CCDC146: variants seen among roughly 807,000 people sequenced by gnomAD.
CCDC146 encodes the protein coiled-coil domain containing 146, also known as coiled-coil domain-containing protein 146.
CCDC146 carries 92 observed loss-of-function variants against 119.3 expected under a neutral mutation model. That is an observed-to-expected ratio of 0.77 (90% CI 0.65 to 0.92). The LOEUF (loss-of-function observed/expected upper bound fraction) is 0.92, where lower values mean the gene tolerates loss of function less well. Ranked by LOEUF, CCDC146 falls within the 40% of genes least tolerant of loss-of-function variation. CCDC146 has a pLI of 0.00. For synonymous variants in CCDC146, 372 were observed against 371.8 expected (o/e 1.00, Z -0.01); for missense variants, 1,000 against 1,103.0 (o/e 0.91, Z 1.32).
At position 77,262,250 on chromosome 7, in the gene CCDC146, A is replaced by G. The variant is rs1447562192; in HGVS notation, c.1116A>G (p.Lys372=). 8 of 1,613,964 alleles carry G rather than the reference A, an allele frequency of 5.0e-6. No homozygotes were observed. Among genetic ancestry groups the G allele is most frequent in the South Asian group, 2.2e-5 (2 of 91,068 alleles). Residue 372 remains lysine (K), a synonymous_variant, in exon 9 of 19, where the codon AAA becomes AAG. Transcript: ENST00000285871. The stretch of plus-strand genomic sequence containing the variant: ...TAAGAAAGATGGAACTGCTCTTGAA[A>G]GTGTCCTGGGATGCACTTAGGCAAA... ...RNLRKMELLL[K]VSWDALRQTQ...
chr7:77,219,289 G>T (rs1206358825), intron 2 of CCDC146, among the ~76,000 whole-genome samples: 2 of 152,112 alleles, frequency 1.3e-5, no homozygotes, highest in Non-Finnish European at 2.9e-5. Context: ...CTTCTACTTT[G>T]CTTAGGTATC....
chr7:77,171,567 T>G (rs1214893786), intron 2 of CCDC146, among the ~76,000 whole-genome samples: 1 of 152,180 alleles, frequency 6.6e-6, no homozygotes, highest in African/African-American at 2.4e-5. Context: ...CCCTAAGCTG[T>G]CAGATCTGTA....
intron 1 of CCDC146, among the ~76,000 whole-genome samples, chr7:77,147,308 C>A (rs528790299): frequency 6.6e-6 from 1 of 152,166 alleles, no homozygotes; most frequent in Admixed American, 6.5e-5. Flanking sequence ...CTTAGCCATT[C>A]GTCTAATCTT....
rs199994394 is a variant in CCDC146 at position 77,260,142 on chromosome 7, C to T, written c.892C>T (p.Arg298Ter). 105 of 1,613,978 alleles carry T rather than the reference C, an allele frequency of 6.5e-5. No homozygotes were observed. The East Asian group carries it at 1.6e-3, about 25-fold the overall frequency. ...ENVIKEVEGK[R>*]ALLEIKEREH... ...TGTAATAAAGGAAGTTGAAGGCAAA[C>T]GAGCCTTACTTGAAATCAAAGAACG... The change falls in exon 8 of 19, where the codon CGA (arginine) becomes TGA (stop). Residue 298 changes from arginine to a stop codon, truncating the protein, a stop_gained. Transcript: ENST00000285871. LOFTEE classifies it high-confidence loss of function.
intron 1 of CCDC146, among the ~76,000 whole-genome samples, chr7:77,147,540 T>G (rs753132049): frequency 1.1e-4 from 16 of 152,224 alleles, no homozygotes; most frequent in Non-Finnish European, 2.2e-4. Context: ...TCTTTGTGGT[T>G]TTATCTACCT....
intron 17 of CCDC146, among the ~76,000 whole-genome samples, chr7:77,288,022 C>T (rs1793879448): frequency 6.6e-6 from 1 of 152,220 alleles, no homozygotes; most frequent in Non-Finnish European, 1.5e-5. Context: ...CCCAGACCAA[C>T]TGCACCATGG....
intron 6 of CCDC146, 42 bp from the exon 7 acceptor site, chr7:77,258,953 C>T (rs375266832): frequency 1.5e-6 from 2 of 1,350,322 alleles, no homozygotes; most frequent in African/African-American, 1.4e-5. Context: ...TTGCTTCTAG[C>T]CGAAGACCGC....
chr7:77,173,355 G>A (rs539214184), intron 2 of CCDC146, among the ~76,000 whole-genome samples: 3 of 152,280 alleles, frequency 2.0e-5, no homozygotes, highest in South Asian at 4.1e-4. Context: ...GGGGCTGGGC[G>A]CAGTGGCTCA....
chr7:77,248,052 G>A (rs976414481), intron 4 of CCDC146, among the ~76,000 whole-genome samples: 18 of 152,060 alleles, frequency 1.2e-4, no homozygotes, highest in African/African-American at 4.1e-4. Flanking sequence ...CAAGAGATTG[G>A]ATAAAGAAAA....
At chr7:77,158,472 T>C (rs1791208590) in intron 1 of CCDC146, among the ~76,000 whole-genome samples, 1 of 152,148 alleles carries the variant, frequency 6.6e-6, no homozygotes, top group African/African-American at 2.4e-5. Flanking sequence ...ATTAATACAA[T>C]GGGCTTTGCA....
At chr7:77,199,571 T>C in intron 2 of CCDC146, 1 of 1,614,162 alleles carries the variant, frequency 6.2e-7, no homozygotes, top group Middle Eastern at 1.6e-4. Flanking sequence ...ACCTCCTCGA[T>C]CCTGCTGAAT....
chr7:77,189,192 C>T (rs747016831), intron 2 of CCDC146, among the ~76,000 whole-genome samples: 2 of 152,110 alleles, frequency 1.3e-5, no homozygotes, highest in Admixed American at 1.3e-4. Context: ...CCATTCCACT[C>T]CTCACACACT....
At chr7:77,188,881 A>G (rs1791713312) in intron 2 of CCDC146, among the ~76,000 whole-genome samples, 1 of 152,180 alleles carries the variant, frequency 6.6e-6, no homozygotes, top group Admixed American at 6.5e-5. Context: ...CACCTCTTGA[A>G]TGACATCATT....
Position 77,122,676 on chromosome 7 carries a change from G to A in CCDC146, c.-68G>A, listed in dbSNP as rs1000890596. ...GGAGCTTTGGAGTGAGACCCAGGAGGCCAAATCCCAAAGAGAAAAATAGGA... is the reference window on the plus strand; with the variant it reads ...GGAGCTTTGGAGTGAGACCCAGGAGACCAAATCCCAAAGAGAAAAATAGGA... On this transcript the variant is annotated 5_prime_UTR_variant, in exon 1 of 19. Transcript: ENST00000285871. 2.9e-5 allele frequency: 5 copies of A among 174,002 alleles called. No individual in the cohort carries two copies. The highest frequency in any genetic ancestry group is 2.2e-4 in the Admixed American group (4 of 17,908). 10.8% of individuals were successfully genotyped at this position (174,002 alleles called of 1,614,324 possible). A position where few individuals can be genotyped will look rare whatever the true frequency, so the allele number is the denominator to read the frequency against.
At chr7:77,140,357 G>C (rs1790915988) in intron 1 of CCDC146, among the ~76,000 whole-genome samples, 1 of 152,102 alleles carries the variant, frequency 6.6e-6, no homozygotes, top group Admixed American at 6.5e-5. Context: ...CTATAGACCA[G>C]GTGACTTAAG....
chr7:77,276,531 A>G (rs1388353291), intron 11 of CCDC146, among the ~76,000 whole-genome samples: 4 of 152,222 alleles, frequency 2.6e-5, no homozygotes, highest in African/African-American at 9.6e-5. Flanking sequence ...GGGAGAAAGG[A>G]TGTCAAATAG....
intron 18 of CCDC146, among the ~76,000 whole-genome samples, chr7:77,294,403 A>ACCCTAAAC (rs1311425579): frequency 6.6e-6 from 1 of 150,756 alleles, no homozygotes; most frequent in East Asian, 1.9e-4. Context: ...CCACCCTCCT[A>ACCCTAAAC]CCCTAAACCC....
chr7:77,282,897 T>C (rs1350218726), intron 15 of CCDC146, 112 bp downstream of exon 15: 5 of 690,140 alleles, frequency 7.2e-6, no homozygotes, highest in South Asian at 1.9e-5. Flanking sequence ...CTGGGACCTA[T>C]AAGAATCCAT....
intron 2 of CCDC146, among the ~76,000 whole-genome samples, chr7:77,188,397 A>G (rs1238715885): frequency 6.6e-6 from 1 of 152,204 alleles, no homozygotes; most frequent in Non-Finnish European, 1.5e-5. Context: ...GCCCAACTAA[A>G]GGTTTATAAT....
Sources: allele counts gnomAD v4.1 joint callset (sites outside exome capture counted in the v4.1 genomes callset), GRCh38; gene constraint gnomAD v4.1.1; transcripts MANE v1.5; gene names NCBI Gene and HGNC (gene_info 2026-07-23, HGNC 2026-07-21).